Variants in ZNF507 observed in about 807,000 individuals in gnomAD.
ZNF507 encodes zinc finger protein 507.
In ZNF507, 29 loss-of-function variants were observed where a neutral mutation model predicts 80.0. That is an observed-to-expected ratio of 0.36 (90% CI 0.27 to 0.49). The LOEUF is 0.49. ZNF507 is among the 20% of genes least tolerant of loss of function. The pLI is 0.98. For synonymous variants in ZNF507, 462 were observed against 422.5 expected (o/e 1.09, Z -1.15); for missense variants, 1,081 against 1,152.2 (o/e 0.94, Z 0.90).
chr19:32,379,640 A>T (rs563645362), intron 5 of ZNF507, among the ~76,000 whole-genome samples: 2 of 152,214 alleles, frequency 1.3e-5, no homozygotes, highest in East Asian at 1.9e-4. Context: ...ATACATATGG[A>T]TGTATTAAGT....
chr19:32,369,136 G>A (rs777090877), intron 5 of ZNF507, among the ~76,000 whole-genome samples: 4 of 152,180 alleles, frequency 2.6e-5, no homozygotes, highest in Non-Finnish European at 5.9e-5. Flanking sequence ...CTTTCTTTGG[G>A]TTGCCAAAGT....
chr19:32,374,700 C>A lies in ZNF507; in HGVS notation c.2361-7767C>A, dbSNP rs545717141. Among the ~76,000 whole-genome samples, 50 of 151,948 alleles carry A rather than the reference C, an allele frequency of 3.3e-4. 1 individual carries two copies. The highest frequency in any genetic ancestry group is 1.0e-4 in the Non-Finnish European group (7 of 67,906). On this transcript the variant is annotated intron_variant, in intron 5 of 6. Coordinates refer to ENST00000355898, the MANE Select transcript of ZNF507 (RefSeq NM_001136156.2). Reference sequence around the variant, plus strand: ...TTTTACCATGTTGGCCAGACTGGTCCCAAACTCATGACCTCAGGTGATCCA... The same window carrying A: ...TTTTACCATGTTGGCCAGACTGGTCACAAACTCATGACCTCAGGTGATCCA...
chr19:32,368,502 C>A (rs1426678668), intron 5 of ZNF507, among the ~76,000 whole-genome samples: 9 of 152,170 alleles, frequency 5.9e-5, no homozygotes, highest in Admixed American at 5.9e-4. Context: ...CTAACCTTGG[C>A]AGTCACAGCC....
chr19:32,353,728 G>T lies in ZNF507; in HGVS notation c.898G>T (p.Gly300Cys). The T allele has an allele frequency of 6.2e-7, 1 of 1,614,196 alleles. No individual in the cohort carries two copies. Among genetic ancestry groups the T allele is most frequent in the Non-Finnish European group, 8.5e-7 (1 of 1,180,028 alleles). The change falls in exon 3 of 7, where the codon GGT (glycine) becomes TGT (cysteine). Residue 300 changes from glycine (G) to cysteine (C), a missense_variant. By Grantham distance (159) the Gly-to-Cys change is radical. This residue lies in a region of ZNF507 where 614 missense variants were observed against 583.9 expected (regional missense o/e 1.05). Coordinates refer to ENST00000355898, the MANE Select transcript of ZNF507 (RefSeq NM_001136156.2). ...LLDSSAAAAP[G>C]GVDAVVIAIG... ...GGATTCTTCAGCAGCTGCTGCGCCT[G>T]GTGGGGTCGATGCAGTCGTCATTGC...
At position 32,382,504 on chromosome 19, in the gene ZNF507, T is replaced by C. The variant is rs1316312193; in HGVS notation, c.2398T>C (p.Ser800Pro). The change falls in exon 6 of 7, where the codon TCT (serine) becomes CCT (proline). Residue 800 changes from serine to proline, a missense_variant. Transcript: ENST00000355898. ...LCGYVCSHPP[S>P]LKSHMWKHAS... ...TGGGTATGTGTGTAGCCATCCTCCT[T>C]CTTTGAAGTCTCATATGTGGAAACA... 6.2e-6 allele frequency: 10 copies of C among 1,614,216 alleles called. No homozygotes were observed. The highest frequency in any genetic ancestry group is 2.2e-5 in the East Asian group (1 of 44,886).
rs1424985967 is a variant in ZNF507, at chr19:32,354,767, G to A, written c.1937G>A (p.Cys646Tyr). 1.5e-5 allele frequency: 24 copies of A among 1,614,104 alleles called. No homozygotes were observed. The highest frequency in any genetic ancestry group is 1.9e-5 in the Non-Finnish European group (22 of 1,180,024). ...NAERPYRCRL[C>Y]HYTSGNKGYI... is the part of the protein sequence containing the mutation. ...GAACGACCCTACCGTTGCCGCCTGT[G>A]TCACTACACAAGTGGCAACAAGGGC... is the stretch of plus-strand genomic sequence containing the variant. The change falls in exon 3 of 7, where the codon TGT becomes TAT. Residue 646 changes from cysteine (C) to tyrosine (Y), a missense_variant. Around this residue, in one of 6 missense-constraint regions of ZNF507, gnomAD observed 614 missense variants for 583.9 expected, o/e 1.05. Coordinates refer to ENST00000355898, the MANE Select transcript of ZNF507 (RefSeq NM_001136156.2).
rs769808418 is a variant in ZNF507 at position 32,354,115 on chromosome 19, A to G, written c.1285A>G (p.Thr429Ala). 6.8e-6 allele frequency: 11 copies of G among 1,613,528 alleles called. No homozygotes were observed. Among genetic ancestry groups the G allele is most frequent in the Admixed American group, 1.7e-5 (1 of 60,000 alleles). ...GGAAGAAGGGAAGGACCTGAGCCTG[A>G]CAGAAGCTCAGATTGGGCGCGAAGG... ...EMEEGKDLSLTEAQIGREGMD... is the reference protein window; with the variant it reads ...EMEEGKDLSLAEAQIGREGMD... Residue 429 changes from threonine (T) to alanine (A), a missense_variant, in exon 3 of 7, where the codon ACA becomes GCA. This residue lies in a region of ZNF507 where 614 missense variants were observed against 583.9 expected (regional missense o/e 1.05). Transcript: ENST00000355898.
At chr19:32,368,984 G>T (rs1468919) in intron 5 of ZNF507, among the ~76,000 whole-genome samples, 33,007 of 152,120 alleles carry the variant, frequency 0.22, 4,194 homozygotes, top group East Asian at 0.45. Context: ...CCAGGAAAGT[G>T]GGGGGTTTTA....
At chr19:32,349,252 A>G (rs1465133308) in intron 2 of ZNF507, among the ~76,000 whole-genome samples, 1 of 152,196 alleles carries the variant, frequency 6.6e-6, no homozygotes, top group Admixed American at 6.5e-5. Flanking sequence ...GCTGACCTCA[A>G]CCAGAAGGCA....
chr19:32,349,241 G>A (rs1967132442), intron 2 of ZNF507, among the ~76,000 whole-genome samples: 1 of 152,180 alleles, frequency 6.6e-6, no homozygotes, highest in Non-Finnish European at 1.5e-5. Context: ...GTTCTTCATT[G>A]GCTGACCTCA....
intron 5 of ZNF507, among the ~76,000 whole-genome samples, chr19:32,369,567 T>C (rs1387346110): frequency 6.6e-6 from 1 of 152,208 alleles, no homozygotes; most frequent in Non-Finnish European, 1.5e-5. Context: ...TGCTGGTCTG[T>C]TGGTGAGGTG....
intron 2 of ZNF507, among the ~76,000 whole-genome samples, chr19:32,351,728 T>C (rs946934315): frequency 4.6e-5 from 7 of 152,124 alleles, no homozygotes; most frequent in Non-Finnish European, 1.0e-4. Context: ...TTGGCATTTA[T>C]TGAATGTTGT....
intron 5 of ZNF507, among the ~76,000 whole-genome samples, chr19:32,377,769 G>A (rs558907993): frequency 7.9e-5 from 12 of 152,258 alleles, no homozygotes; most frequent in Admixed American, 6.5e-4. Flanking sequence ...CAGCTCTTAC[G>A]TGTGGGCTGC....
At position 32,355,767 on chromosome 19, in the gene ZNF507, C is replaced by G. The variant is rs896220257; in HGVS notation, c.2127+810C>G. 2.0e-5 allele frequency among the ~76,000 whole-genome samples: 3 copies of G among 151,874 alleles called. No homozygotes were observed. The South Asian group carries it at 6.3e-4, about 32-fold the overall frequency. On this transcript the variant is annotated intron_variant, in intron 3 of 6. Transcript: ENST00000355898. Reference sequence around the variant, plus strand: ...GGTAAAAAGGTCACAGGAGGGAGGCCGAGGCGGGCAGATCATGAGGTCAGG... The same window carrying G: ...GGTAAAAAGGTCACAGGAGGGAGGCGGAGGCGGGCAGATCATGAGGTCAGG...
chr19:32,378,639 C>G (rs948159696), intron 5 of ZNF507, among the ~76,000 whole-genome samples: 1 of 92,372 alleles, frequency 1.1e-5, no homozygotes, highest in Non-Finnish European at 2.7e-5. Flanking sequence ...AAATTAGAAG[C>G]TTTTTTTTTT....
At chr19:32,361,609 T>C (rs1219565725) in intron 5 of ZNF507, among the ~76,000 whole-genome samples, 1 of 152,248 alleles carries the variant, frequency 6.6e-6, no homozygotes, top group Non-Finnish European at 1.5e-5. Flanking sequence ...TGTTTGACCT[T>C]GCCTCAGTCC....
intron 5 of ZNF507, among the ~76,000 whole-genome samples, chr19:32,362,100 C>T (rs936097803): frequency 1.3e-5 from 2 of 152,068 alleles, no homozygotes; most frequent in Non-Finnish European, 2.9e-5. Flanking sequence ...CGGGGTTTCG[C>T]CAGGTCTTGA....
intron 5 of ZNF507, chr19:32,380,586 G>A: frequency 6.5e-7 from 1 of 1,535,184 alleles, no homozygotes; most frequent in Non-Finnish European, 8.7e-7. Context: ...CGTTATTGCT[G>A]ACTGTGTCTC....
At chr19:32,370,248 C>CA (rs1967452616) in intron 5 of ZNF507, among the ~76,000 whole-genome samples, 1 of 152,250 alleles carries the variant, frequency 6.6e-6, no homozygotes, top group African/African-American at 2.4e-5. Flanking sequence ...GTGGCGATCT[C>CA]ATCTCCTACA....
Sources: gnomAD v4.1 joint callset for allele counts (sites outside exome capture counted in the v4.1 genomes callset) on GRCh38, gnomAD v4.1.1 for gene constraint, gnomAD v4.1.1 regional missense constraint, MANE v1.5 for transcripts, NCBI Gene and HGNC (gene_info 2026-07-23, HGNC 2026-07-21) for gene names.